Variants in ASAP1 observed in about 807,000 individuals in gnomAD.
The protein encoded by ASAP1 is arf-GAP with SH3 domain, ANK repeat and PH domain-containing protein 1.
In ASAP1, 43 loss-of-function variants were observed where a neutral mutation model predicts 145.2. The observed-to-expected ratio is 0.30, with a 90% CI of 0.23 to 0.38. The LOEUF (loss-of-function observed/expected upper bound fraction) is 0.38. Ranked by LOEUF, ASAP1 falls within the 10% of genes least tolerant of loss-of-function variation. ASAP1 has a pLI of 1.00. For synonymous variants in ASAP1, 546 were observed against 515.5 expected (o/e 1.06, Z -0.80); for missense variants, 1,018 against 1,355.3 (o/e 0.75, Z 3.91).
At chr8:130,291,336 G>A (rs1392906720) in intron 3 of ASAP1, among the ~76,000 whole-genome samples, 1 of 152,160 alleles carries the variant, frequency 6.6e-6, no homozygotes, top group African/African-American at 2.4e-5. Context: ...AAATAATTCT[G>A]TAAGACCTAG....
chr8:130,107,180 C>CTTTTTTTTTT (rs375105720), intron 24 of ASAP1, among the ~76,000 whole-genome samples: 8 of 113,862 alleles, frequency 7.0e-5, no homozygotes, highest in East Asian at 2.8e-4. Flanking sequence ...CTCTCTTCTT[C>CTTTTTTTTTT]TTCTTTTTTT....
chr8:130,425,118 A>G (rs1009112798), intron 1 of ASAP1, among the ~76,000 whole-genome samples: 1 of 152,106 alleles, frequency 6.6e-6, no homozygotes, highest in Non-Finnish European at 1.5e-5. Context: ...AATCACTTGA[A>G]ATCAGGAGTT....
At chr8:130,056,777 C>T (rs2097405226) in intron 29 of ASAP1, among the ~76,000 whole-genome samples, 1 of 151,890 alleles carries the variant, frequency 6.6e-6, no homozygotes, top group African/African-American at 2.4e-5. Context: ...GAACTGAGTC[C>T]CTCTTGGCAG....
At chr8:130,137,104 C>T in intron 13 of ASAP1, 66 bp from the exon 14 acceptor site, 1 of 1,345,322 alleles carries the variant, frequency 7.4e-7, no homozygotes. Flanking sequence ...GGTTCAGTGC[C>T]CTGTAGGGCA....
At chr8:130,187,084 G>T in intron 7 of ASAP1, 152 bp downstream of exon 7, 1 of 641,598 alleles carries the variant, frequency 1.6e-6, no homozygotes. Flanking sequence ...GCCCTAATAA[G>T]GATATGCTAG....
chr8:130,261,591 T>C (rs1819901864), intron 3 of ASAP1, among the ~76,000 whole-genome samples: 1 of 152,118 alleles, frequency 6.6e-6, no homozygotes, highest in South Asian at 2.1e-4. Flanking sequence ...GAAGACCTCA[T>C]ACAAGAGATA....
At chr8:130,227,559 C>G (rs1020229077) in intron 4 of ASAP1, among the ~76,000 whole-genome samples, 2 of 151,910 alleles carry the variant, frequency 1.3e-5, no homozygotes, top group Non-Finnish European at 2.9e-5. Context: ...TGCACCTGGA[C>G]TCTCCAAACT....
intron 1 of ASAP1, among the ~76,000 whole-genome samples, chr8:130,420,334 T>C (rs1207312347): frequency 6.6e-6 from 1 of 151,462 alleles, no homozygotes; most frequent in African/African-American, 2.4e-5. Context: ...CCTCATACAT[T>C]GCTGGTGGGA....
At chr8:130,373,254 C>T (rs912472145) in intron 2 of ASAP1, among the ~76,000 whole-genome samples, 1 of 150,780 alleles carries the variant, frequency 6.6e-6, no homozygotes, top group Non-Finnish European at 1.5e-5. Context: ...GCATACAAAA[C>T]CTATGGATTT....
intron 9 of ASAP1, among the ~76,000 whole-genome samples, chr8:130,177,074 C>T (rs1434771863): frequency 6.6e-6 from 1 of 152,168 alleles, no homozygotes; most frequent in African/African-American, 2.4e-5. Context: ...ACTTCCTATA[C>T]CTGGACAATT....
intron 26 of ASAP1, among the ~76,000 whole-genome samples, chr8:130,078,150 C>T (rs1009606084): frequency 5.9e-5 from 9 of 152,040 alleles, no homozygotes; most frequent in Admixed American, 2.6e-4. Context: ...CCACTATGCC[C>T]GGCTAATTTT....
intron 3 of ASAP1, among the ~76,000 whole-genome samples, chr8:130,265,532 C>T (rs1820188675): frequency 6.6e-6 from 1 of 150,542 alleles, no homozygotes; most frequent in Non-Finnish European, 1.5e-5. Flanking sequence ...ATGATGGTGC[C>T]ACTGCACTCC....
At chr8:130,202,004 T>C (rs1477850276) in intron 5 of ASAP1, among the ~76,000 whole-genome samples, 1 of 152,196 alleles carries the variant, frequency 6.6e-6, no homozygotes, top group Non-Finnish European at 1.5e-5. Flanking sequence ...GGTGACATAG[T>C]AATGTCTCAT....
chr8:130,367,683 T>C (rs1313886422), intron 2 of ASAP1, among the ~76,000 whole-genome samples: 2 of 152,176 alleles, frequency 1.3e-5, no homozygotes, highest in Non-Finnish European at 2.9e-5. Context: ...AAATGCTTTT[T>C]TGACATCAGT....
At chr8:130,214,799 G>T in intron 4 of ASAP1, 98 bp from the exon 5 acceptor site, 1 of 1,027,766 alleles carries the variant, frequency 9.7e-7, no homozygotes, top group Non-Finnish European at 1.4e-6. Context: ...CAAAATGGAA[G>T]CATAAACTGT....
chr8:130,190,198 T>C (rs1223036731), intron 5 of ASAP1, among the ~76,000 whole-genome samples: 2 of 152,242 alleles, frequency 1.3e-5, no homozygotes, highest in Admixed American at 6.5e-5. Flanking sequence ...GTCTGTGCTT[T>C]TGAGGTCTTT....
chr8:130,069,752 C>A (rs909906954), intron 27 of ASAP1: 1 of 152,152 alleles, frequency 6.6e-6, no homozygotes, highest in Non-Finnish European at 1.5e-5. Flanking sequence ...GTATTTCTTG[C>A]AGTTTGAAGA....
intron 3 of ASAP1, among the ~76,000 whole-genome samples, chr8:130,354,609 C>T (rs1184100875): frequency 2.0e-5 from 3 of 152,242 alleles, no homozygotes; most frequent in Non-Finnish European, 4.4e-5. Flanking sequence ...AACGCTTATG[C>T]TCTCCTAGTC....
In ASAP1 at chr8:130,287,839, T is replaced by A. The variant is rs543997633; in HGVS notation, c.187-50845A>T. On this transcript the variant is annotated intron_variant, in intron 3 of 29. Coordinates refer to ENST00000518721, the MANE Select transcript of ASAP1 (RefSeq NM_018482.4). Reference sequence around the variant, plus strand: ...TTGTCACCTCTATACCCCTAGCCCTTCCCACTCAGTCTAGCATATAGCAGA... The same window carrying A: ...TTGTCACCTCTATACCCCTAGCCCTACCCACTCAGTCTAGCATATAGCAGA... Among the ~76,000 whole-genome samples, 10 of 152,222 alleles carry A rather than the reference T, an allele frequency of 6.6e-5. No individual in the cohort carries two copies. The South Asian group carries it at 2.1e-3, about 32-fold the overall frequency.
Sources: gnomAD v4.1 joint callset for allele counts (sites outside exome capture counted in the v4.1 genomes callset) on GRCh38, gnomAD v4.1.1 for gene constraint, MANE v1.5 for transcripts, NCBI Gene and HGNC (gene_info 2026-07-23, HGNC 2026-07-21) for gene names.